BUB1B: variants seen among roughly 807,000 people sequenced by gnomAD.
The protein encoded by BUB1B is mitotic checkpoint serine/threonine-protein kinase BUB1 beta.
Under a neutral mutation model 137.7 loss-of-function variants are expected in BUB1B, and 86 were observed. The ratio of observed to expected loss-of-function variants is 0.62; its 90% CI spans 0.52 to 0.75. The LOEUF is 0.75. BUB1B is among the 30% of genes least tolerant of loss of function. The probability of loss-of-function intolerance (pLI) is 0.00; values close to 1 mark genes in which losing one functional copy is unlikely to be tolerated. For synonymous variants in BUB1B, 420 were observed against 417.9 expected (o/e 1.00, Z -0.06); for missense variants, 1,130 against 1,236.9 (o/e 0.91, Z 1.30).
chr15:40,188,599 T>C (rs923304835), intron 8 of BUB1B, among the ~76,000 whole-genome samples: 6 of 150,640 alleles, frequency 4.0e-5, no homozygotes, highest in Admixed American at 6.6e-5. Context: ...TTTTTTTTTT[T>C]CGAGACAGAG....
chr15:40,216,561 ATATATATATATTTTTTT>A (rs1483945169), intron 20 of BUB1B, among the ~76,000 whole-genome samples: 2 of 81,378 alleles, frequency 2.5e-5, no homozygotes, highest in African/African-American at 1.1e-4. Flanking sequence ...ATATATATAT[ATATATATATATTTTTTT>A]TTTTTTTTAA....
intron 8 of BUB1B, among the ~76,000 whole-genome samples, chr15:40,188,562 T>C (rs545368851): frequency 6.6e-6 from 1 of 150,614 alleles, no homozygotes; most frequent in African/African-American, 2.4e-5. Flanking sequence ...TTAATTATCA[T>C]ACAGTCAAAT....
At chr15:40,200,061 T>G in intron 10 of BUB1B, 183 bp from the exon 11 acceptor site, 2 of 646,472 alleles carry the variant, frequency 3.1e-6, no homozygotes, top group East Asian at 5.5e-5. Context: ...CACTGCTCAG[T>G]TGAGTACAAC....
chr15:40,217,418 T>TC, intron 20 of BUB1B, 78 bp from the exon 21 acceptor site: 1 of 1,037,156 alleles, frequency 9.6e-7, no homozygotes, highest in East Asian at 3.0e-5. Context: ...CCAAGGTACC[T>TC]TTTTTTTTTA....
intron 8 of BUB1B, among the ~76,000 whole-genome samples, chr15:40,187,956 T>C (rs2037388914): frequency 6.6e-6 from 1 of 152,206 alleles, no homozygotes; most frequent in Non-Finnish European, 1.5e-5. Context: ...TAGAAATGGA[T>C]AACATACATT....
At chr15:40,163,366 C>T (rs1395312656) in intron 1 of BUB1B, among the ~76,000 whole-genome samples, 2 of 152,166 alleles carry the variant, frequency 1.3e-5, no homozygotes, top group African/African-American at 4.8e-5. Context: ...TTAAGCTCAG[C>T]GGTTCAAGAC....
At chr15:40,188,582 CTTT>C (rs773801578) in intron 8 of BUB1B, among the ~76,000 whole-genome samples, 1 of 121,722 alleles carries the variant, frequency 8.2e-6, no homozygotes. Flanking sequence ...TTTAAGTTTT[CTTT>C]TTTTTTTTTT....
chr15:40,161,377 A>C, intron 1 of BUB1B, 122 bp downstream of exon 1: 1 of 1,157,454 alleles, frequency 8.6e-7, no homozygotes, highest in South Asian at 2.2e-5. Context: ...ACCCCACCGG[A>C]GCCTCCTTCC....
intron 1 of BUB1B, among the ~76,000 whole-genome samples, chr15:40,161,962 A>G (rs929889243): frequency 6.6e-6 from 1 of 152,228 alleles, no homozygotes; most frequent in African/African-American, 2.4e-5. Context: ...AGACACAAAA[A>G]TCTCAACCCT....
intron 1 of BUB1B, among the ~76,000 whole-genome samples, chr15:40,163,205 G>A (rs975942702): frequency 5.3e-5 from 8 of 152,154 alleles, no homozygotes; most frequent in African/African-American, 1.9e-4. Context: ...ATGGGCTCTG[G>A]CCACCCTCAA....
rs564374709 is a variant in BUB1B, at chr15:40,216,392, C to T, written c.2679-1104C>T. Among the ~76,000 whole-genome samples, 13 of 151,864 alleles carry T rather than the reference C, an allele frequency of 8.6e-5. 1 individual carries two copies. The South Asian group carries it at 1.0e-3, about 12-fold the overall frequency. On this transcript the variant is annotated intron_variant, in intron 20 of 22. Transcript: ENST00000287598. Reference sequence around the variant, plus strand: ...GGCAGAGACTGCACTGAGCTGAGATCGCACCACTGTACTCCAGCCTCAGTG... The same window carrying T: ...GGCAGAGACTGCACTGAGCTGAGATTGCACCACTGTACTCCAGCCTCAGTG...
chr15:40,179,615 TA>T (rs2037260364), intron 5 of BUB1B, among the ~76,000 whole-genome samples: 1 of 152,150 alleles, frequency 6.6e-6, no homozygotes, highest in Non-Finnish European at 1.5e-5. Context: ...ATAGAATTTT[TA>T]ATATTGTTGG....
At position 40,221,031 on chromosome 15, in the gene BUB1B, T is replaced by C; in HGVS notation, c.*272T>C. On this transcript the variant is annotated 3_prime_UTR_variant, in exon 23 of 23. Transcript: ENST00000287598. Reference sequence around the variant, plus strand: ...CCTTGTTATTTAACCCATTTGTCTCTACTTTTCCCTGTACTTTTCCCATTT... The same window carrying C: ...CCTTGTTATTTAACCCATTTGTCTCCACTTTTCCCTGTACTTTTCCCATTT... The C allele has an allele frequency of 2.1e-6, 1 of 477,560 alleles. No individual in the cohort carries two copies. Among genetic ancestry groups the C allele is most frequent in the Non-Finnish European group, 3.8e-6 (1 of 264,208 alleles). 29.6% of individuals were successfully genotyped at this position (477,560 alleles called of 1,614,324 possible).
intron 18 of BUB1B, among the ~76,000 whole-genome samples, chr15:40,210,692 A>G (rs1270146085): frequency 1.3e-5 from 2 of 152,016 alleles, no homozygotes; most frequent in Non-Finnish European, 2.9e-5. Context: ...TTTTGTAGAG[A>G]CGGGGGCCTC....
chr15:40,202,112 T>C (rs1275977471), intron 12 of BUB1B, among the ~76,000 whole-genome samples: 2 of 152,182 alleles, frequency 1.3e-5, no homozygotes, highest in African/African-American at 2.4e-5. Flanking sequence ...AAATATATAC[T>C]GAAATATTTG....
intron 8 of BUB1B, among the ~76,000 whole-genome samples, chr15:40,186,422 G>A (rs1248296555): frequency 7.1e-6 from 1 of 141,002 alleles, no homozygotes; most frequent in African/African-American, 2.7e-5. Flanking sequence ...GCTTAACATT[G>A]CCTAGTTCTT....
Position 40,161,244 on chromosome 15 carries a change from G to A in BUB1B, c.24G>A (p.Gly8=), listed in dbSNP as rs574718417. 7 of 1,613,158 alleles carry A rather than the reference G, an allele frequency of 4.3e-6. No individual in the cohort carries two copies. The East Asian group carries it at 1.1e-4, about 26-fold the overall frequency. The change falls in exon 1 of 23, where the codon GGG becomes GGA. Residue 8 remains glycine, a synonymous_variant. Coordinates refer to ENST00000287598, the MANE Select transcript of BUB1B (RefSeq NM_001211.6). MAAVKKE[G]GALSEAMSLE... ...GGATGGCGGCGGTGAAGAAGGAAGG[G>A]GGTGCTCTGAGGTAGGTACGGGAGA...
intron 4 of BUB1B, among the ~76,000 whole-genome samples, chr15:40,171,216 C>T (rs778435517): frequency 3.3e-5 from 5 of 152,168 alleles, no homozygotes; most frequent in African/African-American, 4.8e-5. Flanking sequence ...GGATTATAGG[C>T]GTGAGCCAAC....
chr15:40,191,368 C>G (rs187560588), intron 8 of BUB1B, among the ~76,000 whole-genome samples: 1 of 152,180 alleles, frequency 6.6e-6, no homozygotes, highest in Admixed American at 6.5e-5. Context: ...CTAGATACAA[C>G]TTCTTTTCGG....
Sources: allele counts gnomAD v4.1 joint callset (sites outside exome capture counted in the v4.1 genomes callset), GRCh38; gene constraint gnomAD v4.1.1; transcripts MANE v1.5; gene names NCBI Gene and HGNC (gene_info 2026-07-23, HGNC 2026-07-21).